RGS3: variants seen among roughly 807,000 people sequenced by gnomAD.
The protein encoded by RGS3 is regulator of G protein signaling 3.
In RGS3, 80 loss-of-function variants were observed where a neutral mutation model predicts 132.6. The observed-to-expected ratio is 0.60, with a 90% CI of 0.50 to 0.73. The LOEUF is 0.73. RGS3 is among the 30% of genes least tolerant of loss of function. The probability of loss-of-function intolerance (pLI) is 0.00; values close to 1 mark genes in which losing one functional copy is unlikely to be tolerated. For synonymous variants in RGS3, 598 were observed against 620.6 expected (o/e 0.96, Z 0.54); for missense variants, 1,382 against 1,530.8 (o/e 0.90, Z 1.62).
At position 113,591,823 on chromosome 9, in the gene RGS3, C is replaced by T. The variant is rs931741730; in HGVS notation, c.3080+426C>T. 2.3e-5 allele frequency: 4 copies of T among 173,878 alleles called. No individual in the cohort carries two copies. The highest frequency in any genetic ancestry group is 2.6e-3 in the Middle Eastern group (1 of 378). The allele number at this position is 173,878 out of a possible 1,614,324, so 10.8% of individuals were successfully genotyped here. On this transcript the variant is annotated intron_variant, in intron 21 of 24. Coordinates refer to ENST00000350696, the Ensembl canonical transcript of RGS3. The surrounding 1 kb of genome is among the most constrained non-coding windows in gnomAD (Gnocchi z 4.4). ...GCTCCTGAATGCTAATAGTCTCAGG[C>T]ATTGCCAGGAGGGGGCGCTGCTGGC...
chr9:113,553,199 T>C (rs1204379603), intron 19 of RGS3, among the ~76,000 whole-genome samples: 1 of 151,578 alleles, frequency 6.6e-6, no homozygotes, highest in East Asian at 1.9e-4. Context: ...CACAGCACTT[T>C]GGGAGGCTGA....
chr9:113,522,044 G>A (rs1831982853), intron 16 of RGS3, among the ~76,000 whole-genome samples: 1 of 152,230 alleles, frequency 6.6e-6, no homozygotes, highest in African/African-American at 2.4e-5. Context: ...AAAGAACAGT[G>A]TAATCTTTAG....
At chr9:113,583,189 G>A in intron 19 of RGS3, 2 of 581,050 alleles carry the variant, frequency 3.4e-6, no homozygotes, top group Non-Finnish European at 5.9e-6. Flanking sequence ...GAGCTAGATA[G>A]ATAGTGGTTA....
Position 113,558,428 on chromosome 9 carries a change from G to A in RGS3, c.2037+21510G>A, listed in dbSNP as rs182420200. The stretch of plus-strand genomic sequence containing the variant: ...TGAGGCAGGAGAATTGCTTGAACCT[G>A]GGAGGCGGAGGTTGCAATGAGCTGA... On this transcript the variant is annotated intron_variant, in intron 19 of 24. Transcript: ENST00000350696. 1.1e-3 allele frequency among the ~76,000 whole-genome samples: 169 copies of A among 152,266 alleles called. 1 individual carries two copies. Among genetic ancestry groups the A allele is most frequent in the African/African-American group, 3.8e-3 (159 of 41,558 alleles).
chr9:113,515,555 T>TG (rs1275933880), intron 15 of RGS3, among the ~76,000 whole-genome samples: 7 of 151,380 alleles, frequency 4.6e-5, no homozygotes, highest in Admixed American at 2.6e-4. Flanking sequence ...CGCTTGAACC[T>TG]GGGGGGTGGA....
At chr9:113,594,405 C>T (rs761315039) in intron 21 of RGS3, 25 bp from the exon 20 acceptor site, 7 of 1,612,134 alleles carry the variant, frequency 4.3e-6, no homozygotes, top group Non-Finnish European at 5.9e-6. Flanking sequence ...GGCTGAGCAA[C>T]CCTCTTTTCT....
chr9:113,565,411 T>TAGGAGG lies in RGS3; in HGVS notation c.2038-18031_2038-18026dup. The stretch of plus-strand genomic sequence containing the variant: ...GGAGGAGGAAGAGGAGGAGGACAAG[T>TAGGAGG]AGGAGGAGGAGGAAGAGGAGGAGGG... On this transcript the variant is annotated intron_variant, in intron 19 of 24. Coordinates refer to ENST00000350696, the Ensembl canonical transcript of RGS3. This position sits in a 1 kb window ranked among gnomAD's most constrained non-coding sequence, Gnocchi z 5.7. The TAGGAGG allele has an allele frequency of 7.8e-7, 1 of 1,276,040 alleles. No homozygotes were observed. The highest frequency in any genetic ancestry group is 1.5e-5 in the African/African-American group (1 of 64,700). 79.0% of individuals were successfully genotyped at this position (1,276,040 alleles called of 1,614,324 possible).
At chr9:113,583,401 C>T (rs748793016) in intron 19 of RGS3, 49 bp from the exon 18 acceptor site, 14 of 1,594,310 alleles carry the variant, frequency 8.8e-6, no homozygotes, top group Non-Finnish European at 1.2e-5. Flanking sequence ...TGTCTGGCAT[C>T]TTGGAGCCTC....
intron 19 of RGS3, among the ~76,000 whole-genome samples, chr9:113,567,352 G>A (rs1233413430): frequency 1.3e-5 from 2 of 151,980 alleles, no homozygotes; most frequent in Admixed American, 6.6e-5. Flanking sequence ...TGTGTCCTAT[G>A]TATGCAGAAT....
At chr9:113,532,793 G>C (rs1323808648) in intron 18 of RGS3, among the ~76,000 whole-genome samples, 1 of 152,152 alleles carries the variant, frequency 6.6e-6, no homozygotes, top group East Asian at 1.9e-4. Flanking sequence ...CTCCCAGGAT[G>C]GGGGGAGCTC....
In RGS3 at chr9:113,549,476, T is replaced by TG. The variant is rs575746449; in HGVS notation, c.2037+12558_2037+12559insG. The stretch of plus-strand genomic sequence containing the variant: ...TTGTTTGAATGCAGTTGACTTTTTT[T>TG]TTGTTGTATTGTTGCAAAAGTAATC... On this transcript the variant is annotated intron_variant, in intron 19 of 24. Coordinates refer to ENST00000350696, the Ensembl canonical transcript of RGS3. Among the ~76,000 whole-genome samples the TG allele has an allele frequency of 8.3e-4, 126 of 152,302 alleles. 1 individual carries two copies. Among genetic ancestry groups the TG allele is most frequent in the African/African-American group, 2.7e-3 (113 of 41,548 alleles).
exon 25 of RGS3, chr9:113,596,879 T>G: frequency 1.9e-6 from 3 of 1,613,862 alleles, no homozygotes; most frequent in Non-Finnish European, 2.5e-6. Context: ...GGAAAAGGAC[T>G]CGTACCCTCG....
At chr9:113,533,808 T>C (rs1832569982) in intron 18 of RGS3, among the ~76,000 whole-genome samples, 1 of 152,184 alleles carries the variant, frequency 6.6e-6, no homozygotes, top group Non-Finnish European at 1.5e-5. Flanking sequence ...CAGAGGGCCT[T>C]CTGGTCAGCA....
At chr9:113,528,739 A>G (rs1832330091) in intron 17 of RGS3, among the ~76,000 whole-genome samples, 1 of 152,248 alleles carries the variant, frequency 6.6e-6, no homozygotes, top group African/African-American at 2.4e-5. Flanking sequence ...GGCTCCACCC[A>G]GTCTATGACA....
chr9:113,589,621 C>T (rs963857512), intron 20 of RGS3, among the ~76,000 whole-genome samples: 7 of 152,168 alleles, frequency 4.6e-5, no homozygotes, highest in African/African-American at 7.2e-5. Flanking sequence ...GCCCAGGGCC[C>T]GAGGGCTCTT....
At chr9:113,596,248 C>T (rs1418279498) in intron 24 of RGS3, among the ~76,000 whole-genome samples, 2 of 152,156 alleles carry the variant, frequency 1.3e-5, no homozygotes, top group African/African-American at 2.4e-5. Context: ...GCAGGATAAT[C>T]GCTTGAACCC....
At chr9:113,498,921 G>GAAAAAAAAA (rs755573432) in intron 10 of RGS3, among the ~76,000 whole-genome samples, 1 of 47,380 alleles carries the variant, frequency 2.1e-5, no homozygotes, top group Admixed American at 2.3e-4. Context: ...TGTCTCAATT[G>GAAAAAAAAA]AAAAAAAAAA....
intron 3 of RGS3, among the ~76,000 whole-genome samples, chr9:113,472,813 T>C (rs993317370): frequency 1.3e-5 from 2 of 151,708 alleles, no homozygotes; most frequent in African/African-American, 4.8e-5. Context: ...CTGAGGCGGG[T>C]GGATCATCTA....
At chr9:113,568,507 C>G (rs932948191) in intron 19 of RGS3, among the ~76,000 whole-genome samples, 3 of 152,234 alleles carry the variant, frequency 2.0e-5, no homozygotes, top group African/African-American at 7.2e-5. Context: ...ATCCAGTTCT[C>G]TGATTCTTTG....
Sources: gnomAD v4.1 joint callset for allele counts (sites outside exome capture counted in the v4.1 genomes callset) on GRCh38, gnomAD v4.1.1 for gene constraint, Gnocchi (gnomAD v3.1) non-coding constraint, MANE v1.5 for transcripts, NCBI Gene and HGNC (gene_info 2026-07-23, HGNC 2026-07-21) for gene names.